ADCY2: variants seen among roughly 807,000 people sequenced by gnomAD.
ADCY2 encodes adenylate cyclase 2, also known as adenylate cyclase type 2.
A neutral mutation model predicts 125.2 loss-of-function variants in ADCY2; 31 were observed. That is an observed-to-expected ratio of 0.25 (90% CI 0.19 to 0.33). The LOEUF (loss-of-function observed/expected upper bound fraction) is 0.33, where lower values mean the gene tolerates loss of function less well. Ranked by LOEUF, ADCY2 falls within the 10% of genes least tolerant of loss-of-function variation. ADCY2 has a pLI of 1.00. For synonymous variants in ADCY2, 512 were observed against 548.4 expected, an observed-to-expected ratio of 0.93 and a Z score of 0.93; for missense variants, 904 against 1,418.2, an observed-to-expected ratio of 0.64 and a Z score of 5.82.
intron 19 of ADCY2, among the ~76,000 whole-genome samples, chr5:7,788,166 CTT>C (rs1199663508): frequency 2.0e-5 from 3 of 151,996 alleles, no homozygotes; most frequent in Non-Finnish European, 4.4e-5. Context: ...TATAAACAAA[CTT>C]TTATTTTTGG....
chr5:7,686,465 A>C (rs1351111620), intron 4 of ADCY2, among the ~76,000 whole-genome samples: 1 of 152,248 alleles, frequency 6.6e-6, no homozygotes, highest in Non-Finnish European at 1.5e-5. Flanking sequence ...TGGAACCCCC[A>C]AATCAAGGGC....
At chr5:7,805,038 G>A (rs78359789) in intron 22 of ADCY2, among the ~76,000 whole-genome samples, 5,828 of 152,136 alleles carry the variant, frequency 0.038, 345 homozygotes, top group African/African-American at 0.13. Context: ...AGTCAAGGCC[G>A]TGTGCGGTGG....
At chr5:7,711,460 A>G (rs1018126599) in intron 10 of ADCY2, among the ~76,000 whole-genome samples, 1 of 152,232 alleles carries the variant, frequency 6.6e-6, no homozygotes, top group African/African-American at 2.4e-5. Flanking sequence ...AATAAGAATC[A>G]TATATAAATA....
chr5:7,494,549 T>C (rs921061187), intron 2 of ADCY2, among the ~76,000 whole-genome samples: 1 of 152,122 alleles, frequency 6.6e-6, no homozygotes, highest in Non-Finnish European at 1.5e-5. Context: ...AATTTCACCA[T>C]CCTTAACCCA....
chr5:7,749,447 C>T (rs1742733776), intron 15 of ADCY2, among the ~76,000 whole-genome samples: 1 of 151,990 alleles, frequency 6.6e-6, no homozygotes, highest in African/African-American at 2.4e-5. Context: ...TAGGCAGAAG[C>T]TAAGACTAGA....
chr5:7,762,965 A>T (rs978300326), intron 16 of ADCY2, among the ~76,000 whole-genome samples: 2 of 149,774 alleles, frequency 1.3e-5, no homozygotes, highest in Non-Finnish European at 3.0e-5. Flanking sequence ...ACATAGCCTC[A>T]ATCATGTCCT....
intron 7 of ADCY2, among the ~76,000 whole-genome samples, chr5:7,699,085 T>C (rs1440070565): frequency 2.5e-5 from 1 of 40,338 alleles, no homozygotes; most frequent in Non-Finnish European, 5.5e-5. Flanking sequence ...GTAAGCATTT[T>C]TTTTTTTTTT....
rs77596953 is a variant in ADCY2, at chr5:7,544,555, C to G, written c.570+23656C>G. On this transcript the variant is annotated intron_variant, in intron 3 of 24. Transcript: ENST00000338316. ...ACCTGTGTCATCCAGGATGCTCTCTCCATCTCAAGCTCCTGAGGTTCATCA... is the reference window on the plus strand; with the variant it reads ...ACCTGTGTCATCCAGGATGCTCTCTGCATCTCAAGCTCCTGAGGTTCATCA... Among the ~76,000 whole-genome samples the G allele has an allele frequency of 3.3e-3, 505 of 152,292 alleles. 11 individuals carry two copies. The East Asian group carries it at 0.038, about 12-fold the overall frequency.
At chr5:7,695,976 T>C in intron 6 of ADCY2, 113 bp downstream of exon 6, 1 of 656,018 alleles carries the variant, frequency 1.5e-6, no homozygotes, top group Non-Finnish European at 2.4e-6. Context: ...TTAGGAACAT[T>C]GTTTGTAGAA....
intron 20 of ADCY2, chr5:7,794,197 C>G (rs867229215): frequency 7.9e-5 from 12 of 152,286 alleles, no homozygotes; most frequent in Middle Eastern, 3.4e-3. Context: ...CTGCAGGGTT[C>G]TCTGTACTTA....
At chr5:7,510,655 G>A (rs1214387251) in intron 2 of ADCY2, among the ~76,000 whole-genome samples, 4 of 152,248 alleles carry the variant, frequency 2.6e-5, no homozygotes, top group African/African-American at 9.6e-5. Context: ...TACTGAGGAT[G>A]CTGGTACCTC....
At chr5:7,620,339 C>G (rs1737914270) in intron 3 of ADCY2, among the ~76,000 whole-genome samples, 1 of 152,282 alleles carries the variant, frequency 6.6e-6, no homozygotes, top group Non-Finnish European at 1.5e-5. Context: ...AGTCTTTTAG[C>G]CCAAAGCCCT....
At chr5:7,782,777 G>A (rs1743958128) in intron 18 of ADCY2, among the ~76,000 whole-genome samples, 1 of 152,246 alleles carries the variant, frequency 6.6e-6, no homozygotes, top group Non-Finnish European at 1.5e-5. Flanking sequence ...GGTAAAAAGA[G>A]TTTAAAATTC....
intron 17 of ADCY2, among the ~76,000 whole-genome samples, chr5:7,768,400 T>C (rs1264004954): frequency 6.6e-6 from 1 of 152,204 alleles, no homozygotes; most frequent in Non-Finnish European, 1.5e-5. Context: ...CTTGATCCAA[T>C]GGCGTTAGCA....
rs150804273 is a variant in ADCY2 at position 7,564,222 on chromosome 5, C to G, written c.570+43323C>G. On this transcript the variant is annotated intron_variant, in intron 3 of 24. Transcript: ENST00000338316. ...GTTATCTGTTGGTCTAGTGCTATTT[C>G]TTCCTATTCTGTGAGCCACCATAGC... 2.7e-3 allele frequency among the ~76,000 whole-genome samples: 404 copies of G among 152,280 alleles called. 2 individuals carry two copies. The highest frequency in any genetic ancestry group is 9.0e-3 in the African/African-American group (375 of 41,574).
Position 7,520,813 on chromosome 5 carries a change from A to G in ADCY2, c.484A>G (p.Ser162Gly). 6.2e-7 allele frequency: 1 copy of G among 1,614,136 alleles called. No homozygotes were observed. The highest frequency in any genetic ancestry group is 8.5e-7 in the Non-Finnish European group (1 of 1,180,018). ...PFNMRDAIIASVLTSSSHTIV... is the reference protein window; with the variant it reads ...PFNMRDAIIAGVLTSSSHTIV... ...CAACATGCGAGACGCCATCATTGCC[A>G]GCGTCCTCACCTCCTCCTCCCACAC... The change falls in exon 3 of 25, where the codon AGC becomes GGC. Residue 162 changes from serine to glycine, a missense_variant. Transcript: ENST00000338316.
At chr5:7,584,071 G>A (rs1736534718) in intron 3 of ADCY2, among the ~76,000 whole-genome samples, 1 of 152,092 alleles carries the variant, frequency 6.6e-6, no homozygotes, top group Non-Finnish European at 1.5e-5. Context: ...GAATGACTGA[G>A]AATGGGGTGA....
At chr5:7,656,474 A>T (rs1579283988) in intron 4 of ADCY2, among the ~76,000 whole-genome samples, 1 of 152,170 alleles carries the variant, frequency 6.6e-6, no homozygotes, top group African/African-American at 2.4e-5. Flanking sequence ...AGTAATAAGC[A>T]CTCTGGGAAA....
At chr5:7,652,071 G>T (rs761676930) in intron 4 of ADCY2, among the ~76,000 whole-genome samples, 7 of 152,032 alleles carry the variant, frequency 4.6e-5, no homozygotes, top group Non-Finnish European at 8.8e-5. Flanking sequence ...CAAAGTGCTG[G>T]GATTACAGGC....
Sources: allele counts gnomAD v4.1 joint callset (sites outside exome capture counted in the v4.1 genomes callset), GRCh38; gene constraint gnomAD v4.1.1; transcripts MANE v1.5; gene names NCBI Gene and HGNC (gene_info 2026-07-23, HGNC 2026-07-21).